Variants in PLCG1 observed in about 807,000 individuals in gnomAD.
The protein encoded by PLCG1 is 1-phosphatidylinositol 4,5-bisphosphate phosphodiesterase gamma-1.
Under a neutral mutation model 177.8 loss-of-function variants are expected in PLCG1, and 71 were observed. The observed-to-expected ratio is 0.40, with a 90% CI of 0.33 to 0.49. PLCG1 has a LOEUF of 0.49. Among genes scored for constraint, PLCG1 ranks in the 20% least tolerant of loss-of-function variants. The probability of loss-of-function intolerance (pLI) is 0.72; values close to 1 mark genes in which losing one functional copy is unlikely to be tolerated. For missense variants in PLCG1, 1,281 were observed against 1,709.0 expected (o/e 0.75, Z 4.42); for synonymous variants, 658 against 647.9 (o/e 1.02, Z -0.24).
At position 41,173,460 on chromosome 20, in the gene PLCG1, T is replaced by G; in HGVS notation, c.3320T>G (p.Ile1107Ser). ...ARHLPKNGRG[I>S]VCPFVEIEVA... ...CATCTGCCAAAGAATGGCCGAGGCA[T>G]TGTGTGTCCTTTTGTGGAGATTGAG... Residue 1107 changes from isoleucine to serine, a missense_variant, in exon 28 of 32, where the codon ATT becomes AGT. Coordinates refer to ENST00000685551, the MANE Select transcript of PLCG1 (RefSeq NM_002660.3). This position sits in a 1 kb window ranked among gnomAD's most constrained non-coding sequence, Gnocchi z 6.2. The G allele has an allele frequency of 6.2e-7, 1 of 1,612,952 alleles. No individual in the cohort carries two copies. Among genetic ancestry groups the G allele is most frequent in the Admixed American group, 1.7e-5 (1 of 59,966 alleles).
intron 1 of PLCG1, among the ~76,000 whole-genome samples, chr20:41,154,123 A>G (rs1056592032): frequency 1.3e-5 from 2 of 152,194 alleles, no homozygotes; most frequent in African/African-American, 2.4e-5. Context: ...GATGAAGAAA[A>G]TGAGGCTCAG....
In PLCG1 at chr20:41,166,173, C is replaced by T. The variant is rs1300169348; in HGVS notation, c.1800-21C>T. On this transcript the variant is annotated intron_variant, in intron 16 of 31. Transcript: ENST00000685551. This position sits in a 1 kb window ranked among gnomAD's most constrained non-coding sequence, Gnocchi z 8.6. ...CCCTGGCCTGTTTTCCCCAGCCTCC[C>T]TCACTCTGTGTCTTCCACAGGCGGA... 6.2e-7 allele frequency: 1 copy of T among 1,606,948 alleles called. No individual in the cohort carries two copies. The highest frequency in any genetic ancestry group is 1.1e-5 in the South Asian group (1 of 91,022).
Position 41,172,670 on chromosome 20 carries a change from G to A in PLCG1, c.3130+25G>A, listed in dbSNP as rs2035940324. The A allele has an allele frequency of 6.2e-7, 1 of 1,613,090 alleles. No homozygotes were observed. Among genetic ancestry groups the A allele is most frequent in the South Asian group, 1.1e-5 (1 of 91,030 alleles). On this transcript the variant is annotated intron_variant, in intron 26 of 31. Coordinates refer to ENST00000685551, the MANE Select transcript of PLCG1 (RefSeq NM_002660.3). This position sits in a 1 kb window ranked among gnomAD's most constrained non-coding sequence, Gnocchi z 7.0. ...GGTGAGGAAGTCCCCTGTGAGGAGG[G>A]TGAGGAGGGGCACTGTGGGGCAGCT...
Position 41,169,512 on chromosome 20 carries a change from C to T in PLCG1, c.2636C>T (p.Pro879Leu). The stretch of plus-strand genomic sequence containing the variant: ...TTGCTGCGGGGGGTCTTGGATGTGC[C>T]GGCTTGTCAGATTGGTGAGCTCCCA... ...GDLLRGVLDV[P>L]ACQIAIRPEG... Residue 879 changes from proline to leucine, a missense_variant, in exon 23 of 32, where the codon CCG (proline) becomes CTG (leucine). Transcript: ENST00000685551. 6.2e-7 allele frequency: 1 copy of T among 1,613,186 alleles called. No homozygotes were observed. The highest frequency in any genetic ancestry group is 8.5e-7 in the Non-Finnish European group (1 of 1,179,302).
rs1274190055 is a variant in PLCG1 at position 41,177,146 on chromosome 20, T to TG, written c.*2638dup. 6 of 152,204 alleles carry TG rather than the reference T, an allele frequency of 3.9e-5. No homozygotes were observed. The highest frequency in any genetic ancestry group is 1.3e-4 in the Admixed American group (2 of 15,284). 9.4% of individuals were successfully genotyped at this position (152,204 alleles called of 1,614,324 possible). ...GTACCAGAAGGTAGATGGGCTCCCT[T>TG]GCAGGCTCCTTGTTCTCCTGCCATC... On this transcript the variant is annotated 3_prime_UTR_variant, in exon 32 of 32. Transcript: ENST00000685551.
At chr20:41,138,842 C>T (rs2034710985) in intron 1 of PLCG1, among the ~76,000 whole-genome samples, 2 of 152,054 alleles carry the variant, frequency 1.3e-5, no homozygotes, top group Admixed American at 1.3e-4. Context: ...GAGAGTTGTT[C>T]CACTTAGCGC....
Position 41,163,609 on chromosome 20 carries a change from A to G in PLCG1, c.892-106A>G. On this transcript the variant is annotated intron_variant, in intron 9 of 31. Transcript: ENST00000685551. This position sits in a 1 kb window ranked among gnomAD's most constrained non-coding sequence, Gnocchi z 5.2. ...TTTCTACCTACTGTGCACCTTGCCC[A>G]CCCCCAGTTGGGACAGAGCACTCTC... 3 of 1,068,930 alleles carry G rather than the reference A, an allele frequency of 2.8e-6. No individual in the cohort carries two copies. In the South Asian group the frequency reaches 3.9e-5, roughly 14 times the overall value. 66.2% of individuals were successfully genotyped at this position (1,068,930 alleles called of 1,614,324 possible). A position where few individuals can be genotyped will look rare whatever the true frequency, so the allele number is the denominator to read the frequency against.
Position 41,160,190 on chromosome 20 carries a change from G to T in PLCG1, c.512+37G>T. 24 of 1,591,390 alleles carry T rather than the reference G, an allele frequency of 1.5e-5. No individual in the cohort carries two copies. Among genetic ancestry groups the T allele is most frequent in the Non-Finnish European group, 2.1e-5 (24 of 1,159,794 alleles). ...GCTGTGGCTGTAGCCCAGCAGGGTG[G>T]GGATGGGCATCCAGAACCTTAGCCA... On this transcript the variant is annotated intron_variant, in intron 4 of 31. Transcript: ENST00000685551. This position sits in a 1 kb window ranked among gnomAD's most constrained non-coding sequence, Gnocchi z 5.5.
chr20:41,174,024 G>A lies in PLCG1; in HGVS notation c.3645+13G>A, dbSNP rs1232673302. On this transcript the variant is annotated intron_variant, in intron 30 of 31. Coordinates refer to ENST00000685551, the MANE Select transcript of PLCG1 (RefSeq NM_002660.3). The surrounding 1 kb of genome is among the most constrained non-coding windows in gnomAD (Gnocchi z 5.8). ...TTTCCCTGCCAAGGTATCTGCAGCA[G>A]GGGTGGGCTGGCCTGGGGTAGGTGG... is the stretch of plus-strand genomic sequence containing the variant. 2.5e-6 allele frequency: 4 copies of A among 1,612,958 alleles called. No individual in the cohort carries two copies. The highest frequency in any genetic ancestry group is 3.4e-6 in the Non-Finnish European group (4 of 1,179,114).
Position 41,172,333 on chromosome 20 carries a change from C to T in PLCG1, c.2905+44C>T. 1.3e-6 allele frequency: 2 copies of T among 1,579,508 alleles called. No individual in the cohort carries two copies. Among genetic ancestry groups the T allele is most frequent in the Non-Finnish European group, 1.7e-6 (2 of 1,148,410 alleles). ...GCGGGGTGTGCATGTGCCTGGAGGG[C>T]CTGGTGGGTGCAAAAAGAGTATTTA... On this transcript the variant is annotated intron_variant, in intron 25 of 31. Coordinates refer to ENST00000685551, the MANE Select transcript of PLCG1 (RefSeq NM_002660.3). This position sits in a 1 kb window ranked among gnomAD's most constrained non-coding sequence, Gnocchi z 7.0.
In PLCG1 at chr20:41,159,561, C is replaced by G. The variant is rs1390738676; in HGVS notation, c.218-45C>G. On this transcript the variant is annotated intron_variant, in intron 1 of 31. Transcript: ENST00000685551. The surrounding 1 kb of genome is among the most constrained non-coding windows in gnomAD (Gnocchi z 6.0). ...GGCTGCCCTCCTTTCGGTGTTGACT[C>G]TGGGAGACCCCAGCTTGATCTTGGC... 1 of 1,603,374 alleles carries G rather than the reference C, an allele frequency of 6.2e-7. No homozygotes were observed. The highest frequency in any genetic ancestry group is 8.5e-7 in the Non-Finnish European group (1 of 1,174,086).
At chr20:41,141,913 T>C (rs1288622433) in intron 1 of PLCG1, among the ~76,000 whole-genome samples, 3 of 152,192 alleles carry the variant, frequency 2.0e-5, no homozygotes, top group Non-Finnish European at 2.9e-5. Flanking sequence ...CAGGATTCAG[T>C]TGGAGTTTAG....
chr20:41,170,127 G>T lies in PLCG1; in HGVS notation c.2666G>T (p.Gly889Val). ...GCCCTCCCAGCCATCCGTCCTGAGG[G>T]CAAGAACAACCGGCTCTTCGTCTTC... ...PACQIAIRPE[G>V]KNNRLFVFSI... Residue 889 changes from glycine to valine, a missense_variant, in exon 24 of 32, where the codon GGC (glycine) becomes GTC (valine). By Grantham distance (109) the Gly-to-Val change is moderately radical. Around this residue, in one of 4 missense-constraint regions of PLCG1, gnomAD observed 723 missense variants for 1,030.0 expected, o/e 0.70. Transcript: ENST00000685551. 1.2e-6 allele frequency: 2 copies of T among 1,613,110 alleles called. No homozygotes were observed. The highest frequency in any genetic ancestry group is 2.2e-5 in the South Asian group (2 of 90,948).
In PLCG1 at chr20:41,165,805, G is replaced by T; in HGVS notation, c.1778G>T (p.Gly593Val). Reference sequence around the variant, plus strand: ...GTGCGAGAGAGTGAGACCTTCGTGGGCGACTACACGCTCTCTTTCTGGTAA... The same window carrying T: ...GTGCGAGAGAGTGAGACCTTCGTGGTCGACTACACGCTCTCTTTCTGGTAA... The part of the protein sequence containing the change: ...FLVRESETFV[G>V]DYTLSFWRNG... The change falls in exon 16 of 32, where the codon GGC becomes GTC. Residue 593 changes from glycine (G) to valine (V), a missense_variant. By Grantham distance (109) the Gly-to-Val change is moderately radical. Around this residue, in one of 4 missense-constraint regions of PLCG1, gnomAD observed 723 missense variants for 1,030.0 expected, o/e 0.70. Transcript: ENST00000685551. This position sits in a 1 kb window ranked among gnomAD's most constrained non-coding sequence, Gnocchi z 6.6. The T allele has an allele frequency of 6.3e-7, 1 of 1,590,864 alleles. No individual in the cohort carries two copies. The highest frequency in any genetic ancestry group is 8.6e-7 in the Non-Finnish European group (1 of 1,165,022).
In PLCG1 at chr20:41,173,523, CAG is replaced by C; in HGVS notation, c.3386_3387del (p.Glu1129ValfsTer22). 6.2e-7 allele frequency: 1 copy of C among 1,613,738 alleles called. No homozygotes were observed. The highest frequency in any genetic ancestry group is 8.5e-7 in the Non-Finnish European group (1 of 1,179,926). Reference sequence around the variant, plus strand: ...GAGTATGACAGCACCAAGCAGAAGACAGAGTTTGTGGGTCAGTCTGTCTTCCC... The same window carrying C: ...GAGTATGACAGCACCAAGCAGAAGACAGTTTGTGGGTCAGTCTGTCTTCCC... On this transcript the variant is annotated frameshift_variant, in exon 28 of 32. Coordinates refer to ENST00000685551, the MANE Select transcript of PLCG1 (RefSeq NM_002660.3). LOFTEE classifies it high-confidence loss of function. This position sits in a 1 kb window ranked among gnomAD's most constrained non-coding sequence, Gnocchi z 6.2.
intron 21 of PLCG1, 73 bp from the exon 22 acceptor site, chr20:41,169,006 C>A: frequency 2.3e-6 from 3 of 1,284,850 alleles, no homozygotes; most frequent in South Asian, 2.4e-5. Flanking sequence ...GCATGGGAAC[C>A]CCTACCAAAG....
In PLCG1 at chr20:41,165,211, G is replaced by A; in HGVS notation, c.1387-34G>A. ...GGTGAGGAGGTGGGGTGAGGACTGG[G>A]GTCTGCATTGCCCTGTTCTGGTTGC... is the stretch of plus-strand genomic sequence containing the variant. On this transcript the variant is annotated intron_variant, in intron 13 of 31. Transcript: ENST00000685551. This position sits in a 1 kb window ranked among gnomAD's most constrained non-coding sequence, Gnocchi z 6.6. The A allele has an allele frequency of 2.5e-6, 4 of 1,612,756 alleles. No individual in the cohort carries two copies. The South Asian group carries it at 4.4e-5, about 18-fold the overall frequency.
At position 41,160,859 on chromosome 20, in the gene PLCG1, GA is replaced by G. The variant is rs2035471528; in HGVS notation, c.512+710del. The stretch of plus-strand genomic sequence containing the variant: ...GTATGCTGTTTGGCTTGAGCAACTG[GA>G]AAACAGAGTCACCATTGACTGAGAT... On this transcript the variant is annotated intron_variant, in intron 4 of 31. Transcript: ENST00000685551. This position sits in a 1 kb window ranked among gnomAD's most constrained non-coding sequence, Gnocchi z 5.5. Among the ~76,000 whole-genome samples, 1 of 152,188 alleles carries G rather than the reference GA, an allele frequency of 6.6e-6. No individual in the cohort carries two copies. The highest frequency in any genetic ancestry group is 2.4e-5 in the African/African-American group (1 of 41,450).
rs1362935008 is a variant in PLCG1 at position 41,172,330 on chromosome 20, G to A, written c.2905+41G>A. 6.3e-7 allele frequency: 1 copy of A among 1,578,038 alleles called. No individual in the cohort carries two copies. On this transcript the variant is annotated intron_variant, in intron 25 of 31. Coordinates refer to ENST00000685551, the MANE Select transcript of PLCG1 (RefSeq NM_002660.3). The surrounding 1 kb of genome is among the most constrained non-coding windows in gnomAD (Gnocchi z 7.0). ...CAGGCGGGGTGTGCATGTGCCTGGAGGGCCTGGTGGGTGCAAAAAGAGTAT... is the reference window on the plus strand; with the variant it reads ...CAGGCGGGGTGTGCATGTGCCTGGAAGGCCTGGTGGGTGCAAAAAGAGTAT...
Sources: gnomAD v4.1 joint callset for allele counts (sites outside exome capture counted in the v4.1 genomes callset) on GRCh38, gnomAD v4.1.1 for gene constraint, gnomAD v4.1.1 regional missense constraint, Gnocchi (gnomAD v3.1) non-coding constraint, MANE v1.5 for transcripts, NCBI Gene and HGNC (gene_info 2026-07-23, HGNC 2026-07-21) for gene names.